The following MTCL1 variants were observed in gnomAD, a reference collection of about 807,000 sequenced individuals.
The protein encoded by MTCL1 is microtubule cross-linking factor 1.
MTCL1 carries 79 observed loss-of-function variants against 141.4 expected under a neutral mutation model. The ratio of observed to expected loss-of-function variants is 0.56; its 90% CI spans 0.47 to 0.67. The LOEUF is 0.67. Among genes scored for constraint, MTCL1 ranks in the 30% least tolerant of loss-of-function variants. The probability of loss-of-function intolerance (pLI) is 0.00; values close to 1 mark genes in which losing one functional copy is unlikely to be tolerated. For missense variants in MTCL1, 2,177 were observed against 2,113.9 expected (o/e 1.03, Z -0.59); for synonymous variants, 914 against 875.8 (o/e 1.04, Z -0.77).
chr18:8,785,975 G>A, exon 7 of MTCL1: 1 of 1,602,494 alleles, frequency 6.2e-7, no homozygotes, highest in Non-Finnish European at 8.5e-7. Context: ...GCTCGGGCCG[G>A]CCCGAGGGGA....
chr18:8,710,851 TTTTTTTA>T (rs1170798729), intron 1 of MTCL1, among the ~76,000 whole-genome samples: 1 of 134,038 alleles, frequency 7.5e-6, no homozygotes, highest in African/African-American at 2.8e-5. Context: ...TTTTTTTTTT[TTTTTTTA>T]ATCTGTTTTC....
At chr18:8,801,463 C>G (rs1167115290) in intron 10 of MTCL1, among the ~76,000 whole-genome samples, 1 of 152,166 alleles carries the variant, frequency 6.6e-6, no homozygotes, top group African/African-American at 2.4e-5. Context: ...TAAGAGGAAC[C>G]AGACCAGAGC....
intron 6 of MTCL1, among the ~76,000 whole-genome samples, chr18:8,785,325 A>C (rs987939641): frequency 6.6e-6 from 1 of 152,206 alleles, no homozygotes; most frequent in African/African-American, 2.4e-5. Context: ...AGTGCAGTCC[A>C]AGGCCCTAGG....
chr18:8,822,572 T>C lies in MTCL1; in HGVS notation c.3188+1074T>C, dbSNP rs956605309. Among the ~76,000 whole-genome samples the C allele has an allele frequency of 6.6e-6, 1 of 152,184 alleles. No homozygotes were observed. On this transcript the variant is annotated intron_variant, in intron 14 of 16. Transcript: ENST00000359865. The surrounding 1 kb of genome is among the most constrained non-coding windows in gnomAD (Gnocchi z 4.6). ...TCCCGAAGTGCTGGGATTACAGGCG[T>C]GAGCCACTGTGCCCAGCCCAAACTG...
chr18:8,824,720 G>T (rs1471301287), exon 15 of MTCL1: 5 of 1,613,098 alleles, frequency 3.1e-6, no homozygotes, highest in Non-Finnish European at 3.4e-6. Flanking sequence ...TGTCCTCCAT[G>T]TCTGAGTTCC....
At position 8,779,815 on chromosome 18, in the gene MTCL1, C is replaced by A. The variant is rs188623617; in HGVS notation, c.417+1923C>A. 6.6e-6 allele frequency among the ~76,000 whole-genome samples: 1 copy of A among 152,104 alleles called. No individual in the cohort carries two copies. Among genetic ancestry groups the A allele is most frequent in the Admixed American group, 6.5e-5 (1 of 15,272 alleles). On this transcript the variant is annotated intron_variant, in intron 5 of 16. Transcript: ENST00000359865. The surrounding 1 kb of genome is among the most constrained non-coding windows in gnomAD (Gnocchi z 4.1). Reference sequence around the variant, plus strand: ...CTTTTTTCTTTAAGGAACGAGAAGACGTTTTGGACATTTTATCAATCCTCA... The same window carrying A: ...CTTTTTTCTTTAAGGAACGAGAAGAAGTTTTGGACATTTTATCAATCCTCA...
chr18:8,711,863 C>T (rs1405952777), intron 1 of MTCL1, among the ~76,000 whole-genome samples: 2 of 152,162 alleles, frequency 1.3e-5, no homozygotes, highest in Non-Finnish European at 2.9e-5. Context: ...TTTCTTAATG[C>T]TGAGGACTTT....
At chr18:8,718,286 A>G in intron 2 of MTCL1, 138 bp from the exon 2 acceptor site, 1 of 791,638 alleles carries the variant, frequency 1.3e-6, no homozygotes, top group Non-Finnish European at 2.0e-6. Context: ...GGTGCCTGTC[A>G]CCCAGGCGTG....
At chr18:8,737,754 G>C (rs925763398) in intron 4 of MTCL1, among the ~76,000 whole-genome samples, 1 of 152,190 alleles carries the variant, frequency 6.6e-6, no homozygotes, top group African/African-American at 2.4e-5. Flanking sequence ...TTTCAGAACT[G>C]TTCAAGAACT....
At chr18:8,815,870 T>A (rs1250409903) in intron 12 of MTCL1, among the ~76,000 whole-genome samples, 2 of 152,186 alleles carry the variant, frequency 1.3e-5, no homozygotes, top group Admixed American at 6.5e-5. Context: ...CATCTGTTCA[T>A]GAAATCTGTG....
intron 4 of MTCL1, among the ~76,000 whole-genome samples, chr18:8,730,461 A>G (rs560283164): frequency 6.6e-6 from 1 of 152,342 alleles, no homozygotes. Flanking sequence ...TTATATCATT[A>G]CCTAAGGATA....
chr18:8,762,699 C>G (rs1428420777), intron 4 of MTCL1, among the ~76,000 whole-genome samples: 1 of 152,184 alleles, frequency 6.6e-6, no homozygotes, highest in Non-Finnish European at 1.5e-5. Flanking sequence ...ACACTGATAG[C>G]TGAAAGGGAG....
chr18:8,806,509 C>G (rs1568073931), intron 10 of MTCL1, among the ~76,000 whole-genome samples: 1 of 152,172 alleles, frequency 6.6e-6, no homozygotes, highest in African/African-American at 2.4e-5. Flanking sequence ...GACTGGCAGC[C>G]CTGGCTTTGG....
At position 8,800,267 on chromosome 18, in the gene MTCL1, G is replaced by T. The variant is rs144722319; in HGVS notation, c.2436+1976G>T. On this transcript the variant is annotated intron_variant, in intron 10 of 16. Coordinates refer to ENST00000359865, the Ensembl canonical transcript of MTCL1. ...CACAGAGCCGGGCCGTTCCCGAAAC[G>T]CCGAGCACCTCGCAAGGCGATTAGT... Among the ~76,000 whole-genome samples the T allele has an allele frequency of 9.2e-5, 14 of 152,276 alleles. No individual in the cohort carries two copies. In the East Asian group the frequency reaches 2.7e-3, roughly 29 times the overall value.
At chr18:8,807,495 C>A (rs886954694) in intron 11 of MTCL1, among the ~76,000 whole-genome samples, 3 of 152,166 alleles carry the variant, frequency 2.0e-5, no homozygotes, top group Non-Finnish European at 4.4e-5. Flanking sequence ...GGAGACCTCC[C>A]ACTGCATGCC....
At position 8,822,449 on chromosome 18, in the gene MTCL1, AC is replaced by A. The variant is rs527771488; in HGVS notation, c.3188+954del. ...TGGGATTACAGGCAAACCCCACCATACCCGGCTAATTTTTGTCTTTTAATAG... is the reference window on the plus strand; with the variant it reads ...TGGGATTACAGGCAAACCCCACCATACCGGCTAATTTTTGTCTTTTAATAG... On this transcript the variant is annotated intron_variant, in intron 14 of 16. Coordinates refer to ENST00000359865, the Ensembl canonical transcript of MTCL1. The surrounding 1 kb of genome is among the most constrained non-coding windows in gnomAD (Gnocchi z 4.6). Among the ~76,000 whole-genome samples, 5 of 152,134 alleles carry A rather than the reference AC, an allele frequency of 3.3e-5. No individual in the cohort carries two copies. The East Asian group carries it at 9.7e-4, about 29-fold the overall frequency.
At chr18:8,750,705 A>T (rs2096366408) in intron 4 of MTCL1, among the ~76,000 whole-genome samples, 1 of 152,230 alleles carries the variant, frequency 6.6e-6, no homozygotes, top group Non-Finnish European at 1.5e-5. Context: ...TAGGCATGGG[A>T]AAAGTTGTAA....
At chr18:8,794,134 T>C (rs915909003) in intron 8 of MTCL1, among the ~76,000 whole-genome samples, 2 of 152,242 alleles carry the variant, frequency 1.3e-5, no homozygotes, top group Admixed American at 1.3e-4. Context: ...AGGAAAATAA[T>C]TCCATATTAC....
chr18:8,728,748 T>TTTTTTTTTTTG (rs753500102), intron 4 of MTCL1, among the ~76,000 whole-genome samples: 1 of 92,880 alleles, frequency 1.1e-5, no homozygotes, highest in African/African-American at 5.1e-5. Context: ...TTTTTTTTTT[T>TTTTTTTTTTTG]GAGACGGAGT....
Sources: allele counts gnomAD v4.1 joint callset (sites outside exome capture counted in the v4.1 genomes callset), GRCh38; gene constraint gnomAD v4.1.1; non-coding constraint Gnocchi (gnomAD v3.1); transcripts MANE v1.5; gene names NCBI Gene and HGNC (gene_info 2026-07-23, HGNC 2026-07-21).